The following EML5 variants were observed in gnomAD, a reference collection of about 807,000 sequenced individuals.
EML5 encodes EMAP like 5.
EML5 carries 120 observed loss-of-function variants against 250.0 expected under a neutral mutation model. The ratio of observed to expected loss-of-function variants is 0.48; its 90% CI spans 0.41 to 0.56. The LOEUF is 0.56. Ranked by LOEUF, EML5 falls within the 20% of genes least tolerant of loss-of-function variation. The probability of loss-of-function intolerance (pLI) is 0.00; values close to 1 mark genes in which losing one functional copy is unlikely to be tolerated. For synonymous variants in EML5, 771 were observed against 806.5 expected (o/e 0.96, Z 0.75); for missense variants, 2,006 against 2,437.6 (o/e 0.82, Z 3.73).
At chr14:88,648,186 T>C (rs1349500693) in intron 28 of EML5, among the ~76,000 whole-genome samples, 1 of 152,220 alleles carries the variant, frequency 6.6e-6, no homozygotes, top group Non-Finnish European at 1.5e-5. Context: ...GAACCTTCTT[T>C]ACATGTCTAG....
chr14:88,684,985 A>G (rs780252241), intron 20 of EML5, 30 bp downstream of exon 20: 1 of 1,564,936 alleles, frequency 6.4e-7, no homozygotes, highest in East Asian at 2.3e-5. Flanking sequence ...GTATGTAAAG[A>G]AAAAAAAACA....
chr14:88,655,701 G>A (rs1388813601), intron 27 of EML5, among the ~76,000 whole-genome samples: 1 of 152,030 alleles, frequency 6.6e-6, no homozygotes, highest in Non-Finnish European at 1.5e-5. Context: ...CCTACAGAAT[G>A]GGAGAAAATT....
At chr14:88,665,951 T>C (rs982350426) in intron 21 of EML5, among the ~76,000 whole-genome samples, 10 of 152,104 alleles carry the variant, frequency 6.6e-5, no homozygotes, top group African/African-American at 1.4e-4. Context: ...CTCTTTATTA[T>C]GGCTTCAAAT....
intron 7 of EML5, among the ~76,000 whole-genome samples, chr14:88,731,189 A>G (rs547204220): frequency 1.3e-5 from 2 of 151,918 alleles, no homozygotes; most frequent in East Asian, 3.9e-4. Flanking sequence ...CATTTACATT[A>G]GGTATATCTC....
At chr14:88,695,028 A>G (rs535493407) in intron 16 of EML5, among the ~76,000 whole-genome samples, 2 of 152,184 alleles carry the variant, frequency 1.3e-5, no homozygotes, top group East Asian at 1.9e-4. Context: ...TTTTCACTTT[A>G]ATATATAATA....
At chr14:88,640,805 A>G (rs545418738) in intron 31 of EML5, among the ~76,000 whole-genome samples, 4 of 152,176 alleles carry the variant, frequency 2.6e-5, no homozygotes, top group Admixed American at 6.5e-5. Context: ...AGATCAATAG[A>G]CCACTAGTAG....
intron 6 of EML5, among the ~76,000 whole-genome samples, chr14:88,738,650 T>C (rs1484441239): frequency 6.6e-6 from 1 of 152,178 alleles, no homozygotes. Flanking sequence ...CCCATTATAA[T>C]AGATATTAGA....
chr14:88,649,439 C>T (rs1366102052), intron 28 of EML5, among the ~76,000 whole-genome samples: 2 of 152,102 alleles, frequency 1.3e-5, no homozygotes, highest in Non-Finnish European at 2.9e-5. Context: ...TTCACATCAC[C>T]AAAGGTAGAT....
chr14:88,697,103 T>A (rs920931446), intron 14 of EML5, among the ~76,000 whole-genome samples, 151 bp from the exon 15 acceptor site: 17 of 152,224 alleles, frequency 1.1e-4, no homozygotes, highest in African/African-American at 2.9e-4. Flanking sequence ...TATAAGTGAC[T>A]GATATTTTTT....
chr14:88,661,901 AT>A, intron 24 of EML5, 71 bp from the exon 25 acceptor site: 1 of 1,368,412 alleles, frequency 7.3e-7, no homozygotes, highest in Non-Finnish European at 9.9e-7. Flanking sequence ...AAATGTAAAC[AT>A]TTTTCTTTGT....
intron 21 of EML5, among the ~76,000 whole-genome samples, chr14:88,667,015 G>A (rs1567091722): frequency 1.3e-5 from 2 of 151,970 alleles, no homozygotes; most frequent in African/African-American, 2.4e-5. Flanking sequence ...GATAGAGCTG[G>A]CAGAACTTTG....
In EML5 at chr14:88,665,436, T is replaced by C. The variant is rs1440274656; in HGVS notation, c.3178A>G (p.Asn1060Asp). The C allele has an allele frequency of 6.2e-7, 1 of 1,613,998 alleles. No individual in the cohort carries two copies. The highest frequency in any genetic ancestry group is 8.5e-7 in the Non-Finnish European group (1 of 1,179,888). ...PDGKALAVGL[N>D]DGSFLMANAD... is the part of the protein sequence containing the mutation. ...TTTGCCATTAAGAAGCTTCCATCGT[T>C]GAGACCTACGGCTAAAGCTTTACCA... Residue 1060 changes from asparagine to aspartate, a missense_variant, in exon 22 of 44, where the codon AAC (asparagine) becomes GAC (aspartate). Physicochemically the swap from Asn to Asp is conservative, Grantham distance 23. Coordinates refer to ENST00000554922, the MANE Select transcript of EML5 (RefSeq NM_183387.3).
In EML5 at chr14:88,671,068, G is replaced by A. The variant is rs1318825441; in HGVS notation, c.3125-5579C>T. Among the ~76,000 whole-genome samples the A allele has an allele frequency of 2.0e-5, 3 of 152,106 alleles. No homozygotes were observed. The South Asian group carries it at 6.2e-4, about 32-fold the overall frequency. On this transcript the variant is annotated intron_variant, in intron 21 of 43. Coordinates refer to ENST00000554922, the MANE Select transcript of EML5 (RefSeq NM_183387.3). ...CAGGCAATCCAGAGAACCCCAGTAA[G>A]ATACTCCATGAGAAGATCAACCCCA...
intron 1 of EML5, among the ~76,000 whole-genome samples, chr14:88,760,750 G>A (rs926411350): frequency 2.6e-5 from 4 of 152,156 alleles, no homozygotes; most frequent in Non-Finnish European, 4.4e-5. Flanking sequence ...TTGAAGAGAA[G>A]TGACATCTTA....
intron 4 of EML5, among the ~76,000 whole-genome samples, chr14:88,740,803 G>T (rs74565504): frequency 0.024 from 3,638 of 152,204 alleles, 79 homozygotes; most frequent in Admixed American, 0.041. Flanking sequence ...AGAATAAGGG[G>T]TTTGAATCAG....
At chr14:88,719,740 ATGCTACTCCCCT>A (rs2139992885) in intron 8 of EML5, among the ~76,000 whole-genome samples, 1 of 152,254 alleles carries the variant, frequency 6.6e-6, no homozygotes, top group African/African-American at 2.4e-5. Flanking sequence ...GGACTTTCCA[ATGCTACTCCCCT>A]TGCAGAAATA....
At position 88,614,390 on chromosome 14, in the gene EML5, G is replaced by A. The variant is rs2087281609; in HGVS notation, c.*1428C>T. On this transcript the variant is annotated 3_prime_UTR_variant, in exon 44 of 44. Transcript: ENST00000554922. ...GCTATTTAGAGCTTTAAAACTACCAGGTTCAATCACTGGTTATGCTTTCTG... is the reference window on the plus strand; with the variant it reads ...GCTATTTAGAGCTTTAAAACTACCAAGTTCAATCACTGGTTATGCTTTCTG... The A allele has an allele frequency of 6.6e-6, 1 of 152,072 alleles. No homozygotes were observed. Among genetic ancestry groups the A allele is most frequent in the African/African-American group, 2.4e-5 (1 of 41,398 alleles). 9.4% of individuals were successfully genotyped at this position (152,072 alleles called of 1,614,324 possible). A position where few individuals can be genotyped will look rare whatever the true frequency, so the allele number is the denominator to read the frequency against.
rs1555429674 is a variant in EML5 at position 88,661,616 on chromosome 14, A to T, written c.3675+38T>A. 6.5e-5 allele frequency: 102 copies of T among 1,568,964 alleles called. 2 individuals are homozygous for T. The South Asian group carries it at 1.1e-3, about 17-fold the overall frequency. ...AGGACATTACCTTAACCATTTCATA[A>T]TTGATGATCATTAGGAAAGTTAAAG... On this transcript the variant is annotated intron_variant, in intron 25 of 43. Coordinates refer to ENST00000554922, the MANE Select transcript of EML5 (RefSeq NM_183387.3).
chr14:88,644,813 C>T (rs1202052573), intron 29 of EML5: 5 of 196,026 alleles, frequency 2.6e-5, no homozygotes, highest in African/African-American at 4.7e-5. Flanking sequence ...TGGATTCAAG[C>T]GATTCTCCTG....
Sources: gnomAD v4.1 joint callset for allele counts (sites outside exome capture counted in the v4.1 genomes callset) on GRCh38, gnomAD v4.1.1 for gene constraint, MANE v1.5 for transcripts, NCBI Gene and HGNC (gene_info 2026-07-23, HGNC 2026-07-21) for gene names.